Variants in PXT1 observed in about 807,000 individuals in gnomAD.
PXT1 encodes peroxisomal testis enriched protein 1, also known as peroxisomal testis-specific protein 1.
In PXT1, 11 loss-of-function variants were observed where a neutral mutation model predicts 11.0. The observed-to-expected ratio is 1.00, with a 90% CI of 0.63 to 1.66. The LOEUF (loss-of-function observed/expected upper bound fraction) is 1.66, where lower values mean the gene tolerates loss of function less well. PXT1 is among the 40% of genes most tolerant of loss of function. PXT1 has a pLI of 0.00. For missense variants in PXT1, 141 were observed against 155.5 expected (o/e 0.91, Z 0.49); for synonymous variants, 43 against 51.4 (o/e 0.84, Z 0.70).
At chr6:36,420,202 T>A (rs1312358204) in intron 3 of PXT1, among the ~76,000 whole-genome samples, 2 of 152,126 alleles carry the variant, frequency 1.3e-5, no homozygotes, top group Admixed American at 6.6e-5. Context: ...TCAATCAAAT[T>A]TTACAAACAG....
intron 3 of PXT1, among the ~76,000 whole-genome samples, chr6:36,401,049 T>C (rs1457467606): frequency 6.6e-6 from 1 of 151,998 alleles, no homozygotes; most frequent in Admixed American, 6.6e-5. Context: ...AGATCAGCTC[T>C]CTCCAATAGA....
At chr6:36,411,681 C>T (rs1042618266) in intron 3 of PXT1, among the ~76,000 whole-genome samples, 6 of 152,184 alleles carry the variant, frequency 3.9e-5, no homozygotes, top group African/African-American at 1.4e-4. Context: ...GTGGCTCATG[C>T]CTGTAACCCC....
At chr6:36,442,068 CAT>C (rs113942991) in intron 1 of PXT1, among the ~76,000 whole-genome samples, 4 of 150,650 alleles carry the variant, frequency 2.7e-5, no homozygotes, top group African/African-American at 7.3e-5. Context: ...TATATATAGA[CAT>C]ATATATATAT....
At chr6:36,391,899 A>T in intron 4 of PXT1, 25 bp from the exon 5 acceptor site, 2 of 1,370,406 alleles carry the variant, frequency 1.5e-6, no homozygotes, top group Non-Finnish European at 2.0e-6. Context: ...GGAGACACAG[A>T]GAAAGGTTTT....
chr6:36,411,910 T>G (rs866709622), intron 3 of PXT1, among the ~76,000 whole-genome samples: 40 of 152,202 alleles, frequency 2.6e-4, no homozygotes, highest in African/African-American at 8.0e-4. Flanking sequence ...ATCTTGCCAC[T>G]GCTCTCCAGC....
At chr6:36,434,197 C>A (rs1369500785) in intron 2 of PXT1, among the ~76,000 whole-genome samples, 2 of 151,516 alleles carry the variant, frequency 1.3e-5, no homozygotes, top group Non-Finnish European at 2.9e-5. Context: ...AGAAAAGAAA[C>A]AAAGAAATGC....
At chr6:36,425,883 T>C in intron 3 of PXT1, 31 bp downstream of exon 3, 1 of 1,480,798 alleles carries the variant, frequency 6.8e-7, no homozygotes, top group Non-Finnish European at 9.0e-7. Flanking sequence ...CTAAGTAAAC[T>C]ATTTATCTTA....
intron 3 of PXT1, among the ~76,000 whole-genome samples, chr6:36,424,853 G>A (rs1450531561): frequency 1.3e-5 from 2 of 151,924 alleles, no homozygotes; most frequent in African/African-American, 2.4e-5. Context: ...AAAATTAGCC[G>A]GGCATGCAGT....
chr6:36,419,564 CT>C (rs1774494756), intron 3 of PXT1, among the ~76,000 whole-genome samples: 1 of 152,142 alleles, frequency 6.6e-6, no homozygotes, highest in Non-Finnish European at 1.5e-5. Context: ...TATTTTGTGC[CT>C]GTCTAAACAA....
At chr6:36,396,915 A>G (rs1294691592) in intron 4 of PXT1, among the ~76,000 whole-genome samples, 1 of 152,060 alleles carries the variant, frequency 6.6e-6, no homozygotes, top group Admixed American at 6.5e-5. Context: ...GAGAGGAGCC[A>G]CCCTTCCCAG....
intron 3 of PXT1, among the ~76,000 whole-genome samples, chr6:36,422,956 C>T (rs1373197314): frequency 6.6e-6 from 1 of 152,174 alleles, no homozygotes; most frequent in Admixed American, 6.5e-5. Context: ...TTTGTTTCCC[C>T]AGGAGTTTCT....
At chr6:36,404,670 G>T (rs1049291539) in intron 3 of PXT1, among the ~76,000 whole-genome samples, 2 of 151,912 alleles carry the variant, frequency 1.3e-5, no homozygotes, top group African/African-American at 2.4e-5. Flanking sequence ...AAAAAAAGAT[G>T]GGGGGAGCTG....
chr6:36,425,554 GA>G (rs758862274), intron 3 of PXT1, among the ~76,000 whole-genome samples: 12 of 152,186 alleles, frequency 7.9e-5, no homozygotes, highest in Admixed American at 3.3e-4. Flanking sequence ...GGAGGCCTAT[GA>G]GGGGGGATCA....
chr6:36,404,605 C>T lies in PXT1; in HGVS notation c.170-4021G>A, dbSNP rs1774261974. Among the ~76,000 whole-genome samples, 2 of 151,720 alleles carry T rather than the reference C, an allele frequency of 1.3e-5. 1 individual carries two copies. Among genetic ancestry groups the T allele is most frequent in the South Asian group, 4.2e-4 (2 of 4,802 alleles). ...CCTAAGTGCTGAGATTACAGGTGTG[C>T]ACCACCGTGCCCGGACTGTTATTTT... On this transcript the variant is annotated intron_variant, in intron 3 of 4. Coordinates refer to ENST00000454782, the MANE Select transcript of PXT1 (RefSeq NM_152990.4).
In PXT1 at chr6:36,409,909, G is replaced by A. The variant is rs144511270; in HGVS notation, c.170-9325C>T. 5.1e-3 allele frequency among the ~76,000 whole-genome samples: 741 copies of A among 144,650 alleles called. 3 individuals are homozygous for A. Among genetic ancestry groups the A allele is most frequent in the African/African-American group, 0.018 (700 of 38,846 alleles). The allele number at this position is 144,650 out of a possible 152,430, so 94.9% of individuals were successfully genotyped here. On this transcript the variant is annotated intron_variant, in intron 3 of 4. Coordinates refer to ENST00000454782, the MANE Select transcript of PXT1 (RefSeq NM_152990.4). Reference sequence around the variant, plus strand: ...AGGAAGGAAGGAAAGAAGGAAGGAAGGAAGGGAGAAAGGAAGAAAGGACGA... The same window carrying A: ...AGGAAGGAAGGAAAGAAGGAAGGAAAGAAGGGAGAAAGGAAGAAAGGACGA...
chr6:36,399,684 C>A (rs1268509862), intron 4 of PXT1, among the ~76,000 whole-genome samples: 2 of 152,086 alleles, frequency 1.3e-5, no homozygotes, highest in Non-Finnish European at 2.9e-5. Context: ...TCTGCCACCC[C>A]GTCTGTCACA....
chr6:36,423,896 G>T (rs1774562914), intron 3 of PXT1, among the ~76,000 whole-genome samples: 2 of 152,178 alleles, frequency 1.3e-5, no homozygotes, highest in Non-Finnish European at 2.9e-5. Context: ...ACTCGCGTAT[G>T]GTAAAACGGG....
chr6:36,395,100 C>T (rs569006551), intron 4 of PXT1, among the ~76,000 whole-genome samples: 1 of 152,258 alleles, frequency 6.6e-6, no homozygotes, highest in Admixed American at 6.5e-5. Flanking sequence ...GCTGGGATTA[C>T]AGGTGTGAGC....
intron 2 of PXT1, among the ~76,000 whole-genome samples, chr6:36,432,141 C>A (rs1203580120): frequency 6.6e-6 from 1 of 151,900 alleles, no homozygotes; most frequent in Admixed American, 6.6e-5. Context: ...GAGGGGTGGA[C>A]CTAACCTAGT....
Sources: allele counts gnomAD v4.1 joint callset (sites outside exome capture counted in the v4.1 genomes callset), GRCh38; gene constraint gnomAD v4.1.1; transcripts MANE v1.5; gene names NCBI Gene and HGNC (gene_info 2026-07-23, HGNC 2026-07-21).